GPAM: variants seen among roughly 807,000 people sequenced by gnomAD.
GPAM encodes the protein glycerol-3-phosphate acyltransferase 1, mitochondrial.
In GPAM, 56 loss-of-function variants were observed where a neutral mutation model predicts 105.0. The observed-to-expected ratio is 0.53, with a 90% CI of 0.43 to 0.67. The LOEUF (loss-of-function observed/expected upper bound fraction) is 0.67. Ranked by LOEUF, GPAM falls within the 30% of genes least tolerant of loss-of-function variation. GPAM has a pLI of 0.00. For missense variants in GPAM, 855 were observed against 989.8 expected, an observed-to-expected ratio of 0.86 and a Z score of 1.83; for synonymous variants, 368 against 354.4, an observed-to-expected ratio of 1.04 and a Z score of -0.43.
chr10:112,153,359 G>A lies in GPAM; in HGVS notation c.*191C>T. The A allele has an allele frequency of 6.6e-7, 1 of 1,514,556 alleles. No homozygotes were observed. The highest frequency in any genetic ancestry group is 8.8e-7 in the Non-Finnish European group (1 of 1,137,728). 93.8% of individuals were successfully genotyped at this position (1,514,556 alleles called of 1,614,324 possible). On this transcript the variant is annotated 3_prime_UTR_variant, in exon 22 of 22. Transcript: ENST00000348367. Reference sequence around the variant, plus strand: ...GAGGTCCCCCCAAGTGTTATCTGCAGGCTGCTGTGTTGATGCAGAGCTGGG... The same window carrying A: ...GAGGTCCCCCCAAGTGTTATCTGCAAGCTGCTGTGTTGATGCAGAGCTGGG...
At chr10:112,206,893 T>C (rs1235353852) in intron 1 of GPAM, among the ~76,000 whole-genome samples, 2 of 151,672 alleles carry the variant, frequency 1.3e-5, no homozygotes, top group East Asian at 3.9e-4. Context: ...CCTCCATGCC[T>C]GTGCAAATAA....
chr10:112,190,530 G>T (rs1297370243), intron 1 of GPAM, among the ~76,000 whole-genome samples: 1 of 151,516 alleles, frequency 6.6e-6, no homozygotes, highest in Admixed American at 6.6e-5. Flanking sequence ...GAAAGAAAGG[G>T]TCTTAGGCCA....
intron 1 of GPAM, among the ~76,000 whole-genome samples, chr10:112,206,860 G>C (rs866667970): frequency 6.7e-6 from 1 of 149,438 alleles, no homozygotes; most frequent in Admixed American, 6.7e-5. Context: ...AATCAAAACA[G>C]GGATTCTATC....
the GPAM span, among the ~76,000 whole-genome samples, chr10:112,223,974 A>G: frequency 6.6e-6 from 1 of 152,160 alleles, no homozygotes; most frequent in South Asian, 2.1e-4. Context: ...GACATTCATC[A>G]TAGACCTGAC....
chr10:112,200,952 T>C (rs560445821), intron 1 of GPAM, among the ~76,000 whole-genome samples: 2 of 152,362 alleles, frequency 1.3e-5, no homozygotes, highest in South Asian at 2.1e-4. Context: ...ATGCTAATTA[T>C]GGGAACTGAG....
At chr10:112,203,976 T>C (rs953617568) in intron 1 of GPAM, among the ~76,000 whole-genome samples, 1 of 152,164 alleles carries the variant, frequency 6.6e-6, no homozygotes. Flanking sequence ...GAATTCCTTC[T>C]CACTGTGACA....
intron 9 of GPAM, 114 bp downstream of exon 9, chr10:112,172,063 TAAAAG>T (rs1182175639): frequency 2.6e-6 from 2 of 774,726 alleles, no homozygotes; most frequent in Non-Finnish European, 4.3e-6. Context: ...ACTTTTATAA[TAAAAG>T]AAAAAAGGCT....
chr10:112,215,732 G>A (rs1251095972), upstream of GPAM, among the ~76,000 whole-genome samples: 1 of 152,082 alleles, frequency 6.6e-6, no homozygotes, highest in Non-Finnish European at 1.5e-5. Flanking sequence ...CTGAGGGGAA[G>A]GGAGGTTTGA....
chr10:112,161,756 G>T lies in GPAM; in HGVS notation c.1424-19C>A. ...CTAGCAGCTGGAAGGCAAACACAAA[G>T]CTTTTTTTAGTTGCACTTTTTACAA... is the stretch of plus-strand genomic sequence containing the variant. On this transcript the variant is annotated intron_variant, in intron 14 of 21. Coordinates refer to ENST00000348367, the MANE Select transcript of GPAM (RefSeq NM_001244949.2). 6 of 1,608,720 alleles carry T rather than the reference G, an allele frequency of 3.7e-6. No homozygotes were observed. Among genetic ancestry groups the T allele is most frequent in the Non-Finnish European group, 4.3e-6 (5 of 1,175,130 alleles).
the GPAM span, among the ~76,000 whole-genome samples, chr10:112,226,578 G>C: frequency 2.0e-5 from 3 of 152,140 alleles, no homozygotes; most frequent in Non-Finnish European, 4.4e-5. Flanking sequence ...AGTGGGACCA[G>C]GGGGCCAACA....
chr10:112,222,428 G>A, the GPAM span, among the ~76,000 whole-genome samples: 7 of 152,014 alleles, frequency 4.6e-5, no homozygotes, highest in Admixed American at 2.6e-4. Flanking sequence ...CCTCAATATC[G>A]TAAGTTTGTT....
In GPAM at chr10:112,153,520, C is replaced by A; in HGVS notation, c.*30G>T. ...TACCTACAAGGAACTCATCTCATGA[C>A]CTTCATTTGCCAGCAGTGCCACACG... is the stretch of plus-strand genomic sequence containing the variant. On this transcript the variant is annotated 3_prime_UTR_variant, in exon 22 of 22. Transcript: ENST00000348367. 1 of 1,613,296 alleles carries A rather than the reference C, an allele frequency of 6.2e-7. No homozygotes were observed. The highest frequency in any genetic ancestry group is 8.5e-7 in the Non-Finnish European group (1 of 1,179,492).
In GPAM at chr10:112,181,185, C is replaced by CA. The variant is rs1284134123; in HGVS notation, c.102+497dup. 7.5e-3 allele frequency among the ~76,000 whole-genome samples: 939 copies of CA among 125,796 alleles called. 5 individuals carry two copies. Among genetic ancestry groups the CA allele is most frequent in the African/African-American group, 0.02 (677 of 34,426 alleles). The allele number at this position is 125,796 out of a possible 152,430, so 82.5% of individuals were successfully genotyped here. A position where few individuals can be genotyped will look rare whatever the true frequency, so the allele number is the denominator to read the frequency against. ...CAGATATAACATTCTCAAAATTAAG[C>CA]AAAAAAAAAAACCCCACCATTTTTT... is the stretch of plus-strand genomic sequence containing the variant. On this transcript the variant is annotated intron_variant, in intron 3 of 21. Coordinates refer to ENST00000348367, the MANE Select transcript of GPAM (RefSeq NM_001244949.2).
At chr10:112,167,512 T>C (rs1056162529) in intron 11 of GPAM, among the ~76,000 whole-genome samples, 6 of 152,198 alleles carry the variant, frequency 3.9e-5, no homozygotes, top group Admixed American at 6.5e-5. Flanking sequence ...TGGTATACCA[T>C]ACACTGGAAT....
At chr10:112,153,784 A>C in intron 21 of GPAM, 118 bp from the exon 22 acceptor site, 1 of 1,138,094 alleles carries the variant, frequency 8.8e-7, no homozygotes. Context: ...ACAAAAAACC[A>C]TATCCTGGCA....
chr10:112,155,768 T>A, intron 20 of GPAM, 96 bp downstream of exon 20: 1 of 726,290 alleles, frequency 1.4e-6, no homozygotes, highest in Non-Finnish European at 2.4e-6. Context: ...GAGGTCAGGA[T>A]AAGTTTGCAT....
chr10:112,160,497 C>A, intron 16 of GPAM, 107 bp downstream of exon 16: 2 of 1,256,880 alleles, frequency 1.6e-6, no homozygotes, highest in South Asian at 2.6e-5. Context: ...TAGCCACATT[C>A]CCTCAAGCAA....
Position 112,163,779 on chromosome 10 carries a change from T to C in GPAM, c.1345A>G (p.Ile449Val), listed in dbSNP as rs747284618. 2.5e-6 allele frequency: 4 copies of C among 1,603,724 alleles called. No homozygotes were observed. Among genetic ancestry groups the C allele is most frequent in the South Asian group, 2.2e-5 (2 of 90,888 alleles). Reference sequence around the variant, plus strand: ...TCTGTTGCATTTCTGGACTCATTAATGGACGTGTCTCTACCTTCATCAGCA... The same window carrying C: ...TCTGTTGCATTTCTGGACTCATTAACGGACGTGTCTCTACCTTCATCAGCA... ...DAADEGRDTS[I>V]NESRNATDES... Residue 449 changes from isoleucine (I) to valine (V), a missense_variant, in exon 14 of 22, where the codon ATT becomes GTT. Transcript: ENST00000348367.
At chr10:112,225,212 C>T in the GPAM span, among the ~76,000 whole-genome samples, 2 of 152,200 alleles carry the variant, frequency 1.3e-5, no homozygotes, top group African/African-American at 2.4e-5. Flanking sequence ...CAGATTCCCT[C>T]ACCACACACA....
Sources: allele counts gnomAD v4.1 joint callset (sites outside exome capture counted in the v4.1 genomes callset), GRCh38; gene constraint gnomAD v4.1.1; transcripts MANE v1.5; gene names NCBI Gene and HGNC (gene_info 2026-07-23, HGNC 2026-07-21).